The following AGBL4 variants were observed in gnomAD, a reference collection of about 807,000 sequenced individuals.
The protein encoded by AGBL4 is cytosolic carboxypeptidase 6.
AGBL4 carries 58 observed loss-of-function variants against 66.4 expected under a neutral mutation model. The ratio of observed to expected loss-of-function variants is 0.87; its 90% CI spans 0.71 to 1.09. The LOEUF is 1.09. Among genes scored for constraint, AGBL4 ranks in the 50% least tolerant of loss-of-function variants. The pLI, the probability that AGBL4 is intolerant of heterozygous loss-of-function variation, is 0.00. For missense variants in AGBL4, 579 were observed against 631.0 expected, an observed-to-expected ratio of 0.92 and a Z score of 0.88; for synonymous variants, 234 against 222.9, an observed-to-expected ratio of 1.05 and a Z score of -0.44.
intron 2 of AGBL4, among the ~76,000 whole-genome samples, chr1:49,797,234 A>G (rs918101798): frequency 6.6e-6 from 1 of 152,178 alleles, no homozygotes; most frequent in African/African-American, 2.4e-5. Flanking sequence ...AAATTCCTGA[A>G]TTAGCTTTCC....
chr1:49,838,037 A>G (rs1645896927), intron 2 of AGBL4, among the ~76,000 whole-genome samples: 1 of 152,194 alleles, frequency 6.6e-6, no homozygotes, highest in Non-Finnish European at 1.5e-5. Flanking sequence ...GGTCAGTGAA[A>G]GAGCTCGTGC....
intron 1 of AGBL4, among the ~76,000 whole-genome samples, chr1:49,990,588 G>A (rs1286189362): frequency 2.0e-5 from 3 of 152,050 alleles, no homozygotes; most frequent in African/African-American, 7.2e-5. Flanking sequence ...GTGTGAAAAC[G>A]GACTAATGCA....
chr1:49,538,716 T>TA (rs1469633616), intron 3 of AGBL4, among the ~76,000 whole-genome samples: 1 of 152,170 alleles, frequency 6.6e-6, no homozygotes, highest in Non-Finnish European at 1.5e-5. Flanking sequence ...CTAATAAATT[T>TA]AAAAATGGAA....
intron 6 of AGBL4, among the ~76,000 whole-genome samples, chr1:48,845,912 G>A (rs1450523949): frequency 1.1e-4 from 17 of 152,276 alleles, no homozygotes; most frequent in Admixed American, 9.8e-4. Context: ...AAAGTACTTA[G>A]AACAGTGCCT....
intron 9 of AGBL4, among the ~76,000 whole-genome samples, chr1:48,613,614 C>G (rs1285395788): frequency 6.6e-6 from 1 of 152,182 alleles, no homozygotes; most frequent in Non-Finnish European, 1.5e-5. Context: ...TTTGCCATCT[C>G]TGTGTGGAAG....
intron 3 of AGBL4, among the ~76,000 whole-genome samples, chr1:49,606,280 T>C (rs1645062065): frequency 2.6e-5 from 4 of 152,198 alleles, no homozygotes; most frequent in East Asian, 3.9e-4. Context: ...CATGAAAAAT[T>C]CATAGCAGAG....
chr1:49,578,802 T>C (rs1290055993), intron 3 of AGBL4, among the ~76,000 whole-genome samples: 1 of 152,144 alleles, frequency 6.6e-6, no homozygotes, highest in Admixed American at 6.6e-5. Flanking sequence ...CAGTAGAGCG[T>C]ATGGGTTGAA....
chr1:49,818,447 C>T (rs1045751998), intron 2 of AGBL4, among the ~76,000 whole-genome samples: 2 of 151,364 alleles, frequency 1.3e-5, no homozygotes, highest in African/African-American at 4.9e-5. Context: ...CTCACTGCAG[C>T]CTCAAACTTC....
chr1:49,975,167 A>G (rs2148371756), intron 1 of AGBL4, among the ~76,000 whole-genome samples: 1 of 152,352 alleles, frequency 6.6e-6, no homozygotes, highest in South Asian at 2.1e-4. Flanking sequence ...TAATGGTTAC[A>G]GAAAACAAGA....
At chr1:49,625,576 C>T (rs949823728) in intron 3 of AGBL4, among the ~76,000 whole-genome samples, 11 of 152,186 alleles carry the variant, frequency 7.2e-5, no homozygotes, top group African/African-American at 2.7e-4. Context: ...CCCATAGGAA[C>T]TTGCTGAAAT....
chr1:49,961,374 G>A (rs1021288910), intron 1 of AGBL4, among the ~76,000 whole-genome samples: 4 of 151,946 alleles, frequency 2.6e-5, no homozygotes, highest in African/African-American at 9.6e-5. Context: ...GTTTAGTGGT[G>A]CACACCTCTA....
At chr1:49,123,577 A>T (rs558703562) in intron 4 of AGBL4, among the ~76,000 whole-genome samples, 1 of 152,354 alleles carries the variant, frequency 6.6e-6, no homozygotes, top group East Asian at 1.9e-4. Flanking sequence ...GACTAAATTG[A>T]GAGCTGGTAT....
chr1:48,747,285 T>C (rs1346307324), intron 6 of AGBL4, among the ~76,000 whole-genome samples: 3 of 152,346 alleles, frequency 2.0e-5, no homozygotes, highest in South Asian at 2.1e-4. Context: ...CATTCGGATA[T>C]TGACACACAC....
rs137956464 is a variant in AGBL4, at chr1:48,843,091, C to T, written c.634+24100G>A. ...GATTTTGCAAGGTGAAAAATTCTGA[C>T]GATCTGTTTAGTAGTGTTAAGTAAT... On this transcript the variant is annotated intron_variant, in intron 6 of 13. Transcript: ENST00000371839. Among the ~76,000 whole-genome samples the T allele has an allele frequency of 2.2e-4, 34 of 152,048 alleles. No individual in the cohort carries two copies. The East Asian group carries it at 4.3e-3, about 19-fold the overall frequency.
rs566263777 is a variant in AGBL4 at position 49,705,021 on chromosome 1, T to C, written c.158-7584A>G. Among the ~76,000 whole-genome samples, 31 of 152,320 alleles carry C rather than the reference T, an allele frequency of 2.0e-4. 1 individual carries two copies. The South Asian group carries it at 6.0e-3, about 30-fold the overall frequency. On this transcript the variant is annotated intron_variant, in intron 2 of 13. Transcript: ENST00000371839. Reference sequence around the variant, plus strand: ...TATCTATAAATTACTTTGGGCAGTATGGCCATTTTCACAATATTGATTCTT... The same window carrying C: ...TATCTATAAATTACTTTGGGCAGTACGGCCATTTTCACAATATTGATTCTT...
intron 5 of AGBL4, among the ~76,000 whole-genome samples, chr1:48,892,577 A>AAGC (rs1424025595): frequency 6.6e-6 from 1 of 152,182 alleles, no homozygotes; most frequent in Non-Finnish European, 1.5e-5. Context: ...CTCGAAGTAA[A>AAGC]AGCGGGGCAA....
At chr1:49,794,097 G>A (rs1007989840) in intron 2 of AGBL4, among the ~76,000 whole-genome samples, 1 of 151,888 alleles carries the variant, frequency 6.6e-6, no homozygotes, top group Non-Finnish European at 1.5e-5. Flanking sequence ...CAAAATTGAA[G>A]AATAAGTGAG....
At chr1:49,608,261 T>C (rs1319064703) in intron 3 of AGBL4, among the ~76,000 whole-genome samples, 1 of 152,160 alleles carries the variant, frequency 6.6e-6, no homozygotes, top group East Asian at 1.9e-4. Flanking sequence ...TAAATACAAA[T>C]ATTTTTTAAA....
chr1:49,400,298 T>A (rs1645057510), intron 3 of AGBL4, among the ~76,000 whole-genome samples: 1 of 152,200 alleles, frequency 6.6e-6, no homozygotes, highest in South Asian at 2.1e-4. Flanking sequence ...TGTAGCATAA[T>A]CTGAAGTCAG....
Sources: gnomAD v4.1 joint callset for allele counts (sites outside exome capture counted in the v4.1 genomes callset) on GRCh38, gnomAD v4.1.1 for gene constraint, MANE v1.5 for transcripts, NCBI Gene and HGNC (gene_info 2026-07-23, HGNC 2026-07-21) for gene names.